Variants in NELL2 observed in about 807,000 individuals in gnomAD.
The protein encoded by NELL2 is protein kinase C-binding protein NELL2.
In NELL2, 41 loss-of-function variants were observed where a neutral mutation model predicts 109.6. The observed-to-expected ratio is 0.37, with a 90% CI of 0.29 to 0.49. NELL2 has a LOEUF of 0.49. NELL2 is among the 20% of genes least tolerant of loss of function. NELL2 has a pLI of 0.98. For missense variants in NELL2, 900 were observed against 1,008.3 expected, an observed-to-expected ratio of 0.89 and a Z score of 1.45; for synonymous variants, 355 against 344.7, an observed-to-expected ratio of 1.03 and a Z score of -0.33.
chr12:44,525,762 C>A (rs1941739376), intron 16 of NELL2, among the ~76,000 whole-genome samples: 1 of 152,192 alleles, frequency 6.6e-6, no homozygotes, highest in Non-Finnish European at 1.5e-5. Flanking sequence ...CTTGGTCTAG[C>A]AGAGCATTTG....
At position 44,836,444 on chromosome 12, in the gene NELL2, G is replaced by T. The variant is rs146540031; in HGVS notation, c.185-20308C>A. 1.3e-3 allele frequency among the ~76,000 whole-genome samples: 195 copies of T among 152,206 alleles called. 1 individual carries two copies. Among genetic ancestry groups the T allele is most frequent in the African/African-American group, 4.5e-3 (187 of 41,530 alleles). On this transcript the variant is annotated intron_variant, in intron 2 of 19. Transcript: ENST00000429094. ...TCAAACTTCCCACGTAGAACCCCAA[G>T]AATGTTTCCTCAGTAAAAAGCACCT...
chr12:44,841,666 A>G (rs1394339029), intron 2 of NELL2, among the ~76,000 whole-genome samples: 3 of 152,178 alleles, frequency 2.0e-5, no homozygotes, highest in Non-Finnish European at 2.9e-5. Context: ...AATGTGGCCA[A>G]TGGCTAAGGT....
intron 8 of NELL2, among the ~76,000 whole-genome samples, chr12:44,775,765 T>C (rs571563862): frequency 1.1e-4 from 17 of 152,344 alleles, no homozygotes; most frequent in African/African-American, 3.8e-4. Context: ...CTTTACCTAA[T>C]TTAAATTGCT....
chr12:44,779,588 A>G, intron 5 of NELL2, 75 bp downstream of exon 5: 1 of 1,219,154 alleles, frequency 8.2e-7, no homozygotes, highest in Non-Finnish European at 1.2e-6. Context: ...TTCACACCAT[A>G]AAAAGTAAAA....
chr12:44,678,752 G>A (rs964481502), intron 12 of NELL2, among the ~76,000 whole-genome samples: 6 of 152,078 alleles, frequency 3.9e-5, no homozygotes, highest in African/African-American at 7.2e-5. Flanking sequence ...GGGAGAGGTC[G>A]ATAGAATTAA....
rs192042573 is a variant in NELL2, at chr12:44,897,080, T to C, written c.38+16719A>G. ...CATTAAAAGGCCCTCTATACAGTTC[T>C]GGTAAGAGCAAATGTTAAAAAGAAG... On this transcript the variant is annotated intron_variant, in intron 1 of 20. Coordinates refer to the NELL2 transcript ENST00000333837. Among the ~76,000 whole-genome samples, 8 of 152,278 alleles carry C rather than the reference T, an allele frequency of 5.3e-5. 1 individual carries two copies. The highest frequency in any genetic ancestry group is 6.5e-5 in the Admixed American group (1 of 15,292).
chr12:44,910,160 C>A (rs426544), intron 1 of NELL2, among the ~76,000 whole-genome samples: 5,290 of 151,950 alleles, frequency 0.035, 199 homozygotes, highest in African/African-American at 0.085. Context: ...TTCTACCCAG[C>A]AAAAGAAACT....
chr12:44,541,932 ATC>A (rs1942591965), intron 15 of NELL2, among the ~76,000 whole-genome samples: 1 of 152,256 alleles, frequency 6.6e-6, no homozygotes, highest in African/African-American at 2.4e-5. Context: ...CAAAGCCAAG[ATC>A]TAAGCCCAGA....
chr12:44,847,568 A>G (rs1317072029), intron 2 of NELL2, among the ~76,000 whole-genome samples: 10 of 4,080 alleles, frequency 2.5e-3, no homozygotes, highest in African/African-American at 9.4e-3. Flanking sequence ...GAAATGGGGG[A>G]AAAAAAAAAA....
chr12:44,583,807 C>T lies in NELL2; in HGVS notation c.1663+23362G>A, dbSNP rs190582672. On this transcript the variant is annotated intron_variant, in intron 15 of 19. Transcript: ENST00000429094. ...TATTTATTTGAGACTGGGTCTGGCT[C>T]TATTGCCCAGGCTGGAGTGCAGTGG... Among the ~76,000 whole-genome samples, 837 of 152,308 alleles carry T rather than the reference C, an allele frequency of 5.5e-3. 7 individuals are homozygous for T. The highest frequency in any genetic ancestry group is 0.054 in the Middle Eastern group (16 of 294).
chr12:44,704,365 C>A (rs900772523), intron 11 of NELL2, among the ~76,000 whole-genome samples: 1 of 151,930 alleles, frequency 6.6e-6, no homozygotes, highest in Non-Finnish European at 1.5e-5. Context: ...AATATTAAAT[C>A]ACTTTAATCT....
chr12:44,808,239 G>C (rs1360035281), intron 3 of NELL2, among the ~76,000 whole-genome samples: 1 of 152,036 alleles, frequency 6.6e-6, no homozygotes, highest in African/African-American at 2.4e-5. Context: ...CGGGGGATGT[G>C]TGCTCTATGG....
intron 13 of NELL2, among the ~76,000 whole-genome samples, chr12:44,657,152 A>G (rs1947533535): frequency 6.6e-6 from 1 of 152,246 alleles, no homozygotes; most frequent in Admixed American, 6.5e-5. Flanking sequence ...TTTTAAGGCT[A>G]GAAAATCAAT....
At chr12:44,601,479 C>T (rs1945219827) in intron 15 of NELL2, among the ~76,000 whole-genome samples, 1 of 152,084 alleles carries the variant, frequency 6.6e-6, no homozygotes. Context: ...CTAAATTAAA[C>T]ATTTTAAACC....
At chr12:44,779,117 C>A (rs1226169923) in intron 5 of NELL2, among the ~76,000 whole-genome samples, 5 of 152,138 alleles carry the variant, frequency 3.3e-5, no homozygotes, top group Non-Finnish European at 7.3e-5. Flanking sequence ...AATGACATGT[C>A]CCTTAGAGCC....
At chr12:44,650,607 T>C (rs1334420489) in intron 13 of NELL2, among the ~76,000 whole-genome samples, 1 of 152,108 alleles carries the variant, frequency 6.6e-6, no homozygotes, top group Admixed American at 6.6e-5. Context: ...ACCCCCTCTC[T>C]ATATGTTGAA....
chr12:44,616,062 G>A (rs749911708), intron 13 of NELL2, among the ~76,000 whole-genome samples: 2 of 152,080 alleles, frequency 1.3e-5, no homozygotes, highest in Non-Finnish European at 2.9e-5. Flanking sequence ...TCTACCACCA[G>A]TGGTCAGGCC....
chr12:44,700,388 G>A (rs879336812), intron 12 of NELL2, among the ~76,000 whole-genome samples: 2 of 152,064 alleles, frequency 1.3e-5, no homozygotes, highest in Admixed American at 6.6e-5. Flanking sequence ...TTAATTAGCT[G>A]TCCCTTGTTC....
chr12:44,685,102 C>T (rs1948668812), intron 12 of NELL2, among the ~76,000 whole-genome samples: 1 of 152,082 alleles, frequency 6.6e-6, no homozygotes, highest in Admixed American at 6.5e-5. Flanking sequence ...CTGGGTGCTC[C>T]TGTATTGGAT....
Sources: gnomAD v4.1 joint callset for allele counts (sites outside exome capture counted in the v4.1 genomes callset) on GRCh38, gnomAD v4.1.1 for gene constraint, MANE v1.5 for transcripts, NCBI Gene and HGNC (gene_info 2026-07-23, HGNC 2026-07-21) for gene names.